Variants in MSRA observed in about 807,000 individuals in gnomAD.
The protein encoded by MSRA is mitochondrial peptide methionine sulfoxide reductase.
MSRA carries 54 observed loss-of-function variants against 31.3 expected under a neutral mutation model. The ratio of observed to expected loss-of-function variants is 1.73; its 90% CI spans 1.39 to 2.17. The LOEUF (loss-of-function observed/expected upper bound fraction) is 2.17. Among genes scored for constraint, MSRA ranks in the 30% most tolerant of loss-of-function variants. The pLI is 0.00. For synonymous variants in MSRA, 169 were observed against 116.5 expected, an observed-to-expected ratio of 1.45 and a Z score of -2.90; for missense variants, 507 against 300.9, an observed-to-expected ratio of 1.69 and a Z score of -5.07.
At chr8:10,376,970 T>A (rs1204209072) in intron 5 of MSRA, among the ~76,000 whole-genome samples, 1 of 152,220 alleles carries the variant, frequency 6.6e-6, no homozygotes, top group Non-Finnish European at 1.5e-5. Context: ...TCAAGAGGAC[T>A]GAATGTTAGC....
At chr8:10,418,748 G>A (rs1808628136) in intron 5 of MSRA, among the ~76,000 whole-genome samples, 1 of 131,440 alleles carries the variant, frequency 7.6e-6, no homozygotes, top group Non-Finnish European at 1.5e-5. Flanking sequence ...CAAAGTGAAG[G>A]TACTTAACTG....
chr8:10,240,636 G>A (rs1455744984), intron 2 of MSRA, among the ~76,000 whole-genome samples: 2 of 152,188 alleles, frequency 1.3e-5, no homozygotes, highest in Non-Finnish European at 2.9e-5. Flanking sequence ...TGACTAGGCA[G>A]CCAAGCCACT....
intron 5 of MSRA, among the ~76,000 whole-genome samples, chr8:10,413,700 C>A (rs1013504629): frequency 2.2e-4 from 30 of 138,446 alleles, no homozygotes; most frequent in Non-Finnish European, 3.6e-4. Flanking sequence ...TTCAAAGATA[C>A]AATAACTTTT....
chr8:10,391,277 C>T (rs1011483126), intron 5 of MSRA, among the ~76,000 whole-genome samples: 1 of 152,278 alleles, frequency 6.6e-6, no homozygotes, highest in South Asian at 2.1e-4. Flanking sequence ...GCTGAAGACC[C>T]GGACTCAAGG....
chr8:10,108,754 G>A (rs754081540), intron 1 of MSRA, among the ~76,000 whole-genome samples: 15 of 152,038 alleles, frequency 9.9e-5, no homozygotes, highest in African/African-American at 3.4e-4. Flanking sequence ...TGCCTGGCAC[G>A]TTTTAAACAA....
intron 3 of MSRA, among the ~76,000 whole-genome samples, chr8:10,294,903 C>T (rs968331190): frequency 6.6e-6 from 1 of 152,068 alleles, no homozygotes; most frequent in Non-Finnish European, 1.5e-5. Context: ...ACAGGTCTTG[C>T]TTGTGGGCCT....
chr8:10,169,627 A>G (rs1469618382), intron 1 of MSRA, among the ~76,000 whole-genome samples: 2 of 152,258 alleles, frequency 1.3e-5, no homozygotes, highest in African/African-American at 4.8e-5. Flanking sequence ...TGGACTTCAT[A>G]AAATGAAAAT....
intron 1 of MSRA, among the ~76,000 whole-genome samples, chr8:10,159,218 G>T (rs75667500): frequency 2.6e-5 from 4 of 152,168 alleles, no homozygotes; most frequent in African/African-American, 9.7e-5. Context: ...ATTGGGGAGC[G>T]CTGAAACTGC....
chr8:10,122,554 T>C (rs1321074965), intron 1 of MSRA, among the ~76,000 whole-genome samples: 1 of 151,574 alleles, frequency 6.6e-6, no homozygotes, highest in Non-Finnish European at 1.5e-5. Context: ...AACTTTTAGG[T>C]CAGGGATACG....
intron 1 of MSRA, among the ~76,000 whole-genome samples, chr8:10,118,826 T>A (rs1462719957): frequency 6.6e-6 from 1 of 152,226 alleles, no homozygotes; most frequent in African/African-American, 2.4e-5. Flanking sequence ...CAAGGCAGAA[T>A]TTGTCTCTAG....
At chr8:10,087,442 C>T (rs971952677) in intron 1 of MSRA, among the ~76,000 whole-genome samples, 4 of 152,138 alleles carry the variant, frequency 2.6e-5, no homozygotes, top group Non-Finnish European at 5.9e-5. Context: ...TCAGAGAGTG[C>T]TGGAGAGAAT....
chr8:10,106,072 A>T (rs1343950380), intron 1 of MSRA, among the ~76,000 whole-genome samples: 5 of 152,216 alleles, frequency 3.3e-5, no homozygotes, highest in African/African-American at 1.2e-4. Flanking sequence ...TTGTTCAAAC[A>T]TTTGGCACCA....
At chr8:10,066,804 G>A (rs542808189) in intron 1 of MSRA, among the ~76,000 whole-genome samples, 1 of 152,096 alleles carries the variant, frequency 6.6e-6, no homozygotes, top group South Asian at 2.1e-4. Context: ...CAAAGTGCTG[G>A]GATTACAGGT....
intron 1 of MSRA, among the ~76,000 whole-genome samples, chr8:10,200,849 C>T (rs533838536): frequency 6.6e-6 from 1 of 152,154 alleles, no homozygotes; most frequent in Non-Finnish European, 1.5e-5. Flanking sequence ...TCTCAGAGCC[C>T]CTGCCCCAGA....
At chr8:10,079,166 T>G (rs1169699664) in intron 1 of MSRA, among the ~76,000 whole-genome samples, 1 of 152,038 alleles carries the variant, frequency 6.6e-6, no homozygotes, top group Non-Finnish European at 1.5e-5. Context: ...TGGTACTTTT[T>G]TCTTTTTTTT....
At chr8:10,296,506 T>C (rs935584012) in intron 3 of MSRA, among the ~76,000 whole-genome samples, 3 of 152,216 alleles carry the variant, frequency 2.0e-5, no homozygotes, top group Admixed American at 2.0e-4. Context: ...CAAAAAGGTA[T>C]TAAACTCTGT....
intron 5 of MSRA, among the ~76,000 whole-genome samples, chr8:10,354,571 C>A (rs1191333326): frequency 6.6e-6 from 1 of 151,932 alleles, no homozygotes; most frequent in African/African-American, 2.4e-5. Flanking sequence ...GGAATAAATA[C>A]CTTAAACAAT....
chr8:10,065,881 G>A (rs1268342787), intron 1 of MSRA, among the ~76,000 whole-genome samples: 1 of 151,946 alleles, frequency 6.6e-6, no homozygotes, highest in Non-Finnish European at 1.5e-5. Flanking sequence ...GGCGCTAAGA[G>A]TCAACTCTTC....
At chr8:10,331,160 C>T (rs1485315184) in intron 5 of MSRA, among the ~76,000 whole-genome samples, 1 of 152,186 alleles carries the variant, frequency 6.6e-6, no homozygotes, top group Non-Finnish European at 1.5e-5. Flanking sequence ...TTCTCAGCCC[C>T]CAGAACTGTA....
Sources: gnomAD v4.1 joint callset for allele counts (sites outside exome capture counted in the v4.1 genomes callset) on GRCh38, gnomAD v4.1.1 for gene constraint, MANE v1.5 for transcripts, NCBI Gene and HGNC (gene_info 2026-07-23, HGNC 2026-07-21) for gene names.